The following METTL16 variants were observed in gnomAD, a reference collection of about 807,000 sequenced individuals.
METTL16 encodes methyltransferase 16, RNA N6-adenosine.
In METTL16, 19 loss-of-function variants were observed where a neutral mutation model predicts 57.9. That is an observed-to-expected ratio of 0.33 (90% CI 0.23 to 0.48). METTL16 has a LOEUF of 0.48. Among genes scored for constraint, METTL16 ranks in the 20% least tolerant of loss-of-function variants. The pLI, the probability that METTL16 is intolerant of heterozygous loss-of-function variation, is 0.99. For synonymous variants in METTL16, 246 were observed against 255.6 expected, an observed-to-expected ratio of 0.96 and a Z score of 0.36; for missense variants, 434 against 691.5, an observed-to-expected ratio of 0.63 and a Z score of 4.18.
rs1171788438 is a variant in METTL16 at position 2,491,876 on chromosome 17, C to CAAA, written c.128+10325_128+10327dup. 9.7e-3 allele frequency among the ~76,000 whole-genome samples: 520 copies of CAAA among 53,564 alleles called. 22 individuals are homozygous for CAAA. Among genetic ancestry groups the CAAA allele is most frequent in the African/African-American group, 0.031 (483 of 15,382 alleles). 35.1% of individuals were successfully genotyped at this position (53,564 alleles called of 152,430 possible). A position where few individuals can be genotyped will look rare whatever the true frequency, so the allele number is the denominator to read the frequency against. The stretch of plus-strand genomic sequence containing the variant: ...GGCGACAGAGCGAGACACCGTCTCA[C>CAAA]AAAAAAAAAAAAAAAAAAAATCAGT... On this transcript the variant is annotated intron_variant, in intron 2 of 9. Transcript: ENST00000263092.
At chr17:2,442,284 A>G (rs1177668509) in intron 6 of METTL16, among the ~76,000 whole-genome samples, 3 of 152,226 alleles carry the variant, frequency 2.0e-5, no homozygotes, top group African/African-American at 4.8e-5. Context: ...GCAGACCTAC[A>G]GTCCCAGAAA....
At chr17:2,492,984 G>A (rs1394116294) in intron 2 of METTL16, among the ~76,000 whole-genome samples, 2 of 150,302 alleles carry the variant, frequency 1.3e-5, no homozygotes, top group East Asian at 2.0e-4. Context: ...ACTTAGAAAT[G>A]TCCCCTTTCC....
At chr17:2,439,162 T>A (rs1295608891) in intron 7 of METTL16, among the ~76,000 whole-genome samples, 7 of 152,188 alleles carry the variant, frequency 4.6e-5, no homozygotes, top group Admixed American at 2.6e-4. Flanking sequence ...CAGATTGTAG[T>A]GCAGTGGCGT....
At chr17:2,457,221 C>T (rs1291699154) in intron 6 of METTL16, among the ~76,000 whole-genome samples, 1 of 149,902 alleles carries the variant, frequency 6.7e-6, no homozygotes, top group Non-Finnish European at 1.5e-5. Context: ...GCCTGTAGTC[C>T]AAGCTACTAG....
intron 1 of METTL16, among the ~76,000 whole-genome samples, chr17:2,508,214 CAT>C (rs1219193392): frequency 6.6e-6 from 1 of 151,842 alleles, no homozygotes; most frequent in African/African-American, 2.4e-5. Flanking sequence ...CATAATTTTA[CAT>C]AGTCATAAAT....
At chr17:2,441,442 G>A in intron 7 of METTL16, 48 bp downstream of exon 7, 1 of 1,384,268 alleles carries the variant, frequency 7.2e-7, no homozygotes. Context: ...GTGCCCCATG[G>A]ATACAAAGAA....
At chr17:2,450,241 G>A (rs770652368) in intron 6 of METTL16, among the ~76,000 whole-genome samples, 6 of 152,168 alleles carry the variant, frequency 3.9e-5, no homozygotes, top group Non-Finnish European at 7.3e-5. Context: ...ACTGGCAAAT[G>A]GATGAACGAA....
rs2067278100 is a variant in METTL16, at chr17:2,477,760, T to C, written c.254A>G (p.Tyr85Cys). The C allele has an allele frequency of 1.2e-6, 2 of 1,613,930 alleles. No individual in the cohort carries two copies. The highest frequency in any genetic ancestry group is 1.7e-6 in the Non-Finnish European group (2 of 1,179,882). Residue 85 changes from tyrosine (Y) to cysteine (C), a missense_variant, in exon 3 of 10, where the codon TAT becomes TGT. Physicochemically the swap from Tyr to Cys is radical, Grantham distance 194. Transcript: ENST00000263092. ...LIPTVPLRLN[Y>C]IHWVEDLIGH... The stretch of plus-strand genomic sequence containing the variant: ...GATCAGATCTTCTACCCAGTGAATA[T>C]AGTTGAGTCTCAAGGGAACTGTGGG...
At chr17:2,478,715 A>T (rs1460457442) in intron 2 of METTL16, among the ~76,000 whole-genome samples, 1 of 152,178 alleles carries the variant, frequency 6.6e-6, no homozygotes, top group Non-Finnish European at 1.5e-5. Flanking sequence ...CCTTTTCTGG[A>T]CACTTCAAGT....
intron 2 of METTL16, among the ~76,000 whole-genome samples, chr17:2,479,695 G>A (rs1241457197): frequency 6.6e-6 from 1 of 152,096 alleles, no homozygotes; most frequent in East Asian, 1.9e-4. Flanking sequence ...TGCCAAGACA[G>A]AAGGAAGAGT....
chr17:2,439,148 C>T (rs572669286), intron 7 of METTL16, among the ~76,000 whole-genome samples: 68 of 152,146 alleles, frequency 4.5e-4, no homozygotes, highest in African/African-American at 1.6e-3. Context: ...CTCGCTCTGT[C>T]GTCCAGATTG....
intron 7 of METTL16, 137 bp downstream of exon 7, chr17:2,441,353 T>G: frequency 1.8e-6 from 1 of 548,218 alleles, no homozygotes; most frequent in Non-Finnish European, 3.0e-6. Flanking sequence ...CACAACGACA[T>G]GAATTGTTCC....
At chr17:2,447,261 T>G (rs1412090923) in intron 6 of METTL16, among the ~76,000 whole-genome samples, 6 of 148,372 alleles carry the variant, frequency 4.0e-5, no homozygotes, top group South Asian at 2.2e-4. Context: ...GGAGCGCCTC[T>G]GCTGGCCGCA....
chr17:2,420,836 G>C lies in METTL16; in HGVS notation c.957C>G (p.Ser319=), dbSNP rs1230202968. Residue 319 remains serine (S), a synonymous_variant, in exon 9 of 10, where the codon TCC becomes TCG. Coordinates refer to ENST00000263092, the MANE Select transcript of METTL16 (RefSeq NM_024086.4). This position sits in a 1 kb window ranked among gnomAD's most constrained non-coding sequence, Gnocchi z 5.4. The part of the protein sequence containing the change: ...RKPITFVVLA[S]VMKELSLKAS... ...CTTTGAGGGATAATTCCTTCATCAC[G>C]GACGCCAGCACCACGAATGTTATGG... 6.2e-7 allele frequency: 1 copy of C among 1,614,136 alleles called. No homozygotes were observed. Among genetic ancestry groups the C allele is most frequent in the Non-Finnish European group, 8.5e-7 (1 of 1,180,036 alleles).
intron 2 of METTL16, among the ~76,000 whole-genome samples, chr17:2,500,472 G>A (rs900970298): frequency 6.6e-6 from 1 of 151,974 alleles, no homozygotes; most frequent in Admixed American, 6.6e-5. Flanking sequence ...GTAGAGATGA[G>A]GTTTTCACCC....
intron 8 of METTL16, among the ~76,000 whole-genome samples, chr17:2,437,654 C>A (rs1446300479): frequency 6.6e-6 from 1 of 152,150 alleles, no homozygotes; most frequent in Non-Finnish European, 1.5e-5. Context: ...TGGGTTCAAG[C>A]AATTCTCGTG....
At chr17:2,507,538 T>A (rs1465860486) in intron 1 of METTL16, among the ~76,000 whole-genome samples, 1 of 136,228 alleles carries the variant, frequency 7.3e-6, no homozygotes, top group Non-Finnish European at 1.6e-5. Context: ...AGCCGCCCCA[T>A]CCGGGAGGTG....
intron 2 of METTL16, among the ~76,000 whole-genome samples, chr17:2,498,500 G>A (rs2067463032): frequency 6.6e-6 from 1 of 151,598 alleles, no homozygotes; most frequent in Non-Finnish European, 1.5e-5. Context: ...TACTTTGGGA[G>A]GTTGAGGTGG....
rs138062740 is a variant in METTL16 at position 2,459,477 on chromosome 17, C to A, written c.728+4731G>T. ...GGCATCACAAGCGCCATCCTGAGGTCAGTCCAACACATTTAACTTATTTCA... is the reference window on the plus strand; with the variant it reads ...GGCATCACAAGCGCCATCCTGAGGTAAGTCCAACACATTTAACTTATTTCA... On this transcript the variant is annotated intron_variant, in intron 6 of 9. Coordinates refer to ENST00000263092, the MANE Select transcript of METTL16 (RefSeq NM_024086.4). Among the ~76,000 whole-genome samples the A allele has an allele frequency of 2.8e-3, 419 of 152,332 alleles. 1 individual carries two copies. The highest frequency in any genetic ancestry group is 9.3e-3 in the African/African-American group (387 of 41,568).
Sources: allele counts gnomAD v4.1 joint callset (sites outside exome capture counted in the v4.1 genomes callset), GRCh38; gene constraint gnomAD v4.1.1; non-coding constraint Gnocchi (gnomAD v3.1); transcripts MANE v1.5; gene names NCBI Gene and HGNC (gene_info 2026-07-23, HGNC 2026-07-21).